The following TM4SF20 variants were observed in gnomAD, a reference collection of about 807,000 sequenced individuals.
The protein encoded by TM4SF20 is transmembrane 4 L6 family member 20.
A neutral mutation model predicts 15.1 loss-of-function variants in TM4SF20; 13 were observed. That is an observed-to-expected ratio of 0.86 (90% CI 0.56 to 1.36). The LOEUF (loss-of-function observed/expected upper bound fraction) is 1.36, where lower values mean the gene tolerates loss of function less well. TM4SF20 is among the 40% of genes most tolerant of loss of function. The pLI, the probability that TM4SF20 is intolerant of heterozygous loss-of-function variation, is 0.00. For synonymous variants in TM4SF20, 92 were observed against 96.6 expected, an observed-to-expected ratio of 0.95 and a Z score of 0.28; for missense variants, 282 against 268.4, an observed-to-expected ratio of 1.05 and a Z score of -0.35.
intron 1 of TM4SF20, among the ~76,000 whole-genome samples, 192 bp from the exon 2 acceptor site, chr2:227,371,172 C>T (rs937261259): frequency 2.0e-5 from 3 of 152,114 alleles, no homozygotes; most frequent in Admixed American, 6.5e-5. Context: ...AAAGTGGCGG[C>T]GGGAACAGGG....
At chr2:227,372,619 G>A (rs556640084) in intron 1 of TM4SF20, among the ~76,000 whole-genome samples, 71 of 152,162 alleles carry the variant, frequency 4.7e-4, no homozygotes, top group African/African-American at 1.6e-3. Context: ...CCGGCCTGGC[G>A]ACAGAGCGAG....
chr2:227,374,377 C>G (rs2076436167), intron 1 of TM4SF20, among the ~76,000 whole-genome samples: 1 of 152,062 alleles, frequency 6.6e-6, no homozygotes, highest in Non-Finnish European at 1.5e-5. Context: ...AACCGCTTTC[C>G]CATTCAGAGC....
chr2:227,364,430 A>G (rs73997108), intron 3 of TM4SF20, among the ~76,000 whole-genome samples: 11,753 of 148,620 alleles, frequency 0.079, 1,133 homozygotes, highest in African/African-American at 0.23. Context: ...GTGCAGAACT[A>G]CAGCGTGGCG....
intron 2 of TM4SF20, 84 bp from the exon 3 acceptor site, chr2:227,366,328 T>G (rs2076392757): frequency 1.6e-6 from 2 of 1,223,112 alleles, no homozygotes; most frequent in Admixed American, 5.0e-5. Context: ...ACAGTCTTTT[T>G]TAAATCCAGT....
At chr2:227,366,733 AAAAAAAAAAAAAAAAAAAAAAAAG>A (rs1399653315) in intron 2 of TM4SF20, among the ~76,000 whole-genome samples, 1 of 93,414 alleles carries the variant, frequency 1.1e-5, no homozygotes, top group East Asian at 2.6e-4. Context: ...AAAAAAAAAA[AAAAAAAAAAAAAAAAAAAAAAAAG>A]ATGGTTTGGC....
chr2:227,363,434 T>G lies in TM4SF20; in HGVS notation c.*290A>C. On this transcript the variant is annotated 3_prime_UTR_variant, in exon 4 of 4. Coordinates refer to ENST00000304568, the MANE Select transcript of TM4SF20 (RefSeq NM_024795.4). Reference sequence around the variant, plus strand: ...CTGTCTCAAAAAAAAAAAAAAAAAGTCCTGTACTTTTATTTTCAGGATGAC... The same window carrying G: ...CTGTCTCAAAAAAAAAAAAAAAAAGGCCTGTACTTTTATTTTCAGGATGAC... 2 of 195,298 alleles carry G rather than the reference T, an allele frequency of 1.0e-5. No individual in the cohort carries two copies. The highest frequency in any genetic ancestry group is 1.9e-5 in the Non-Finnish European group (2 of 105,100). The allele number at this position is 195,298 out of a possible 1,614,324, so 12.1% of individuals were successfully genotyped here. A position where few individuals can be genotyped will look rare whatever the true frequency, so the allele number is the denominator to read the frequency against.
At chr2:227,369,631 G>T (rs1322175356) in intron 2 of TM4SF20, among the ~76,000 whole-genome samples, 2 of 152,034 alleles carry the variant, frequency 1.3e-5, no homozygotes, top group African/African-American at 4.8e-5. Flanking sequence ...GTTTCACCAT[G>T]TTGGCCAGGC....
At chr2:227,371,341 GTTGT>G (rs1412089131) in intron 1 of TM4SF20, among the ~76,000 whole-genome samples, 4 of 152,130 alleles carry the variant, frequency 2.6e-5, no homozygotes, top group African/African-American at 7.2e-5. Flanking sequence ...TCCAAACTCT[GTTGT>G]TTGTTTGTTT....
Position 227,362,384 on chromosome 2 carries a change from TTTGG to T in TM4SF20, c.*1336_*1339del, listed in dbSNP as rs2106485783. On this transcript the variant is annotated 3_prime_UTR_variant, in exon 4 of 4. Transcript: ENST00000304568. ...TAACAGTAAACATCTCCCCGTTGCT[TTTGG>T]TTGAAGTAATTTTAAAACATATAAA... 6.6e-6 allele frequency: 1 copy of T among 152,330 alleles called. No homozygotes were observed. The highest frequency in any genetic ancestry group is 2.1e-4 in the South Asian group (1 of 4,830). The allele number at this position is 152,330 out of a possible 1,614,324, so 9.4% of individuals were successfully genotyped here.
chr2:227,380,566 A>T (rs2076475062), upstream of TM4SF20, among the ~76,000 whole-genome samples: 1 of 152,124 alleles, frequency 6.6e-6, no homozygotes, highest in African/African-American at 2.4e-5. Context: ...TTCACATTTC[A>T]TTGGCCAAAA....
chr2:227,377,028 T>C (rs1219880213), intron 1 of TM4SF20, among the ~76,000 whole-genome samples: 16 of 152,168 alleles, frequency 1.1e-4, no homozygotes, highest in Non-Finnish European at 1.6e-4. Context: ...CTCTTTCTCT[T>C]CTCTCCCTGC....
upstream of TM4SF20, among the ~76,000 whole-genome samples, chr2:227,380,963 T>C (rs2076477059): frequency 6.6e-6 from 1 of 152,076 alleles, no homozygotes; most frequent in South Asian, 2.1e-4. Flanking sequence ...AAAGGATTTG[T>C]ATAAAAGGAT....
chr2:227,366,108 G>A lies in TM4SF20; in HGVS notation c.386C>T (p.Ser129Leu). ...PSNSNANCEF[S>L]LKNISDIHPE... ...AGTTACTTACCTGATGTTTTTCAAT[G>A]AAAATTCACAATTGGCATTACTGTT... Residue 129 changes from serine (S) to leucine (L), a missense_variant, in exon 3 of 4, where the codon TCA becomes TTA. Coordinates refer to ENST00000304568, the MANE Select transcript of TM4SF20 (RefSeq NM_024795.4). The A allele has an allele frequency of 6.2e-7, 1 of 1,611,336 alleles. No homozygotes were observed. Among genetic ancestry groups the A allele is most frequent in the Non-Finnish European group, 8.5e-7 (1 of 1,179,340 alleles).
intron 1 of TM4SF20, among the ~76,000 whole-genome samples, chr2:227,378,611 G>A (rs1181358697): frequency 6.6e-6 from 1 of 152,126 alleles, no homozygotes; most frequent in Admixed American, 6.6e-5. Context: ...TCAGGTACAG[G>A]CAATGCAGCA....
chr2:227,369,866 A>T (rs1252284431), intron 2 of TM4SF20, among the ~76,000 whole-genome samples: 1 of 152,214 alleles, frequency 6.6e-6, no homozygotes, highest in African/African-American at 2.4e-5. Flanking sequence ...TGGTATAAAG[A>T]TCATGAATTG....
Sources: gnomAD v4.1 joint callset for allele counts (sites outside exome capture counted in the v4.1 genomes callset) on GRCh38, gnomAD v4.1.1 for gene constraint, MANE v1.5 for transcripts, NCBI Gene and HGNC (gene_info 2026-07-23, HGNC 2026-07-21) for gene names.